Variants in PITPNC1 observed in about 807,000 individuals in gnomAD.
PITPNC1 encodes the protein cytoplasmic phosphatidylinositol transfer protein 1.
In PITPNC1, 18 loss-of-function variants were observed where a neutral mutation model predicts 44.7. The observed-to-expected ratio is 0.40, with a 90% CI of 0.28 to 0.60. The LOEUF is 0.60. Ranked by LOEUF, PITPNC1 falls within the 20% of genes least tolerant of loss-of-function variation. The pLI, the probability that PITPNC1 is intolerant of heterozygous loss-of-function variation, is 0.39. For synonymous variants in PITPNC1, 141 were observed against 149.6 expected (o/e 0.94, Z 0.42); for missense variants, 290 against 418.4 (o/e 0.69, Z 2.68).
chr17:67,396,011 T>C (rs1480294985), intron 1 of PITPNC1, among the ~76,000 whole-genome samples: 1 of 152,256 alleles, frequency 6.6e-6, no homozygotes, highest in East Asian at 1.9e-4. Context: ...TCTTTTGGAT[T>C]GCGTTTGACG....
Position 67,476,700 on chromosome 17 carries a change from G to A in PITPNC1, c.49-56102G>A, listed in dbSNP as rs371935886. 4.6e-5 allele frequency among the ~76,000 whole-genome samples: 7 copies of A among 152,096 alleles called. No individual in the cohort carries two copies. The East Asian group carries it at 5.8e-4, about 13-fold the overall frequency. ...GGGTCTCACTATGTTGCCCAGGCTGGTCTTGAATTCCTGGGCTCAAGCAAT... is the reference window on the plus strand; with the variant it reads ...GGGTCTCACTATGTTGCCCAGGCTGATCTTGAATTCCTGGGCTCAAGCAAT... On this transcript the variant is annotated intron_variant, in intron 1 of 8. Coordinates refer to ENST00000581322, the MANE Select transcript of PITPNC1 (RefSeq NM_012417.4).
intron 1 of PITPNC1, among the ~76,000 whole-genome samples, chr17:67,412,334 TACTG>T (rs777023561): frequency 8.2e-4 from 124 of 152,106 alleles, no homozygotes; most frequent in Non-Finnish European, 1.6e-3. Context: ...TCCAAGTAGA[TACTG>T]ACAAAACTAG....
At chr17:67,412,044 T>C (rs2038507185) in intron 1 of PITPNC1, among the ~76,000 whole-genome samples, 1 of 152,196 alleles carries the variant, frequency 6.6e-6, no homozygotes, top group Non-Finnish European at 1.5e-5. Context: ...CCTCTTACTA[T>C]CTTTCTTTTA....
intron 1 of PITPNC1, among the ~76,000 whole-genome samples, chr17:67,529,352 A>C (rs767555435): frequency 6.6e-6 from 1 of 152,140 alleles, no homozygotes; most frequent in African/African-American, 2.4e-5. Flanking sequence ...AAGATGGTCC[A>C]GTGGTGGAAA....
intron 1 of PITPNC1, among the ~76,000 whole-genome samples, chr17:67,410,312 CT>C (rs1313053636): frequency 6.6e-6 from 1 of 152,140 alleles, no homozygotes; most frequent in Non-Finnish European, 1.5e-5. Flanking sequence ...ACAGTGAAGA[CT>C]TAAGTATCTC....
At chr17:67,408,001 G>C (rs1023491418) in intron 1 of PITPNC1, among the ~76,000 whole-genome samples, 3 of 151,934 alleles carry the variant, frequency 2.0e-5, no homozygotes, top group African/African-American at 7.2e-5. Flanking sequence ...TGTTGCCCAG[G>C]CTGGAGTGCA....
chr17:67,485,817 G>T (rs1312560928), intron 1 of PITPNC1, among the ~76,000 whole-genome samples: 1 of 152,134 alleles, frequency 6.6e-6, no homozygotes, highest in Non-Finnish European at 1.5e-5. Context: ...AAGCTATCAC[G>T]CTGTATGAGC....
chr17:67,469,594 G>A (rs949824284), intron 1 of PITPNC1, among the ~76,000 whole-genome samples: 8 of 152,148 alleles, frequency 5.3e-5, no homozygotes, highest in African/African-American at 1.9e-4. Flanking sequence ...GACAGCAGCC[G>A]TCAGACCCGT....
rs2039554875 is a variant in PITPNC1, at chr17:67,472,492, A to C, written c.49-60310A>C. Among the ~76,000 whole-genome samples, 3 of 151,480 alleles carry C rather than the reference A, an allele frequency of 2.0e-5. No individual in the cohort carries two copies. The South Asian group carries it at 6.3e-4, about 32-fold the overall frequency. On this transcript the variant is annotated intron_variant, in intron 1 of 8. Coordinates refer to ENST00000581322, the MANE Select transcript of PITPNC1 (RefSeq NM_012417.4). ...GAAACCCCATCTCTACTAAAAATAGAAAAAATTAGCCGGGCGTGGTGGTGG... is the reference window on the plus strand; with the variant it reads ...GAAACCCCATCTCTACTAAAAATAGCAAAAATTAGCCGGGCGTGGTGGTGG...
At chr17:67,468,361 C>T (rs767694658) in intron 1 of PITPNC1, among the ~76,000 whole-genome samples, 1 of 150,046 alleles carries the variant, frequency 6.7e-6, no homozygotes, top group African/African-American at 2.4e-5. Flanking sequence ...TTGGGGAAGC[C>T]GTGGTGAAGC....
At chr17:67,405,245 T>TA (rs892885166) in intron 1 of PITPNC1, among the ~76,000 whole-genome samples, 98 of 146,032 alleles carry the variant, frequency 6.7e-4, no homozygotes, top group Admixed American at 1.9e-3. Flanking sequence ...AGACTCCGTT[T>TA]AAAAAAAAAA....
rs555529926 is a variant in PITPNC1 at position 67,644,806 on chromosome 17, T to C, written c.462+12568T>C. On this transcript the variant is annotated intron_variant, in intron 6 of 8. Coordinates refer to ENST00000581322, the MANE Select transcript of PITPNC1 (RefSeq NM_012417.4). ...GGGCCAGCCACATCAGCCCCTGCTGTTTTTAGTCTTATTAAAGTAAAACAC... is the reference window on the plus strand; with the variant it reads ...GGGCCAGCCACATCAGCCCCTGCTGCTTTTAGTCTTATTAAAGTAAAACAC... 1.4e-4 allele frequency among the ~76,000 whole-genome samples: 22 copies of C among 152,178 alleles called. No homozygotes were observed. In the East Asian group the frequency reaches 4.3e-3, roughly 29 times the overall value.
intron 2 of PITPNC1, among the ~76,000 whole-genome samples, chr17:67,538,975 G>A (rs1335420812): frequency 1.4e-5 from 2 of 145,706 alleles, no homozygotes; most frequent in Non-Finnish European, 1.5e-5. Flanking sequence ...TTTTTAATTT[G>A]AAAAAAAAGA....
At chr17:67,645,296 G>A (rs1211968584) in intron 6 of PITPNC1, among the ~76,000 whole-genome samples, 1 of 149,872 alleles carries the variant, frequency 6.7e-6, no homozygotes, top group Non-Finnish European at 1.5e-5. Context: ...AGCCAAGATC[G>A]CGCCATTGCA....
chr17:67,519,175 T>G (rs1191186247), intron 1 of PITPNC1, among the ~76,000 whole-genome samples: 4 of 140,722 alleles, frequency 2.8e-5, no homozygotes, highest in African/African-American at 5.4e-5. Context: ...CATTCTGTTT[T>G]TTTTTTTTTT....
At chr17:67,384,998 GTTTTA>G (rs1443908382) in intron 1 of PITPNC1, among the ~76,000 whole-genome samples, 10 of 152,206 alleles carry the variant, frequency 6.6e-5, no homozygotes, top group Non-Finnish European at 1.2e-4. Context: ...TTGAGAGGTT[GTTTTA>G]TTTTATTTTA....
At chr17:67,483,906 A>C (rs2039737708) in intron 1 of PITPNC1, among the ~76,000 whole-genome samples, 1 of 148,252 alleles carries the variant, frequency 6.7e-6, no homozygotes, top group Non-Finnish European at 1.5e-5. Flanking sequence ...CACCCTTGCT[A>C]ACGTTTTCTT....
At chr17:67,473,030 C>T (rs1283313464) in intron 1 of PITPNC1, among the ~76,000 whole-genome samples, 2 of 150,368 alleles carry the variant, frequency 1.3e-5, no homozygotes, top group East Asian at 4.0e-4. Context: ...TGCGCACCAC[C>T]ATGCCCAACT....
At chr17:67,583,716 A>G (rs1354188909) in intron 5 of PITPNC1, among the ~76,000 whole-genome samples, 3 of 136,112 alleles carry the variant, frequency 2.2e-5, no homozygotes, top group Non-Finnish European at 3.1e-5. Context: ...TTTTTTTGAG[A>G]TGGAGTCTCA....
Sources: gnomAD v4.1 joint callset for allele counts (sites outside exome capture counted in the v4.1 genomes callset) on GRCh38, gnomAD v4.1.1 for gene constraint, MANE v1.5 for transcripts, NCBI Gene and HGNC (gene_info 2026-07-23, HGNC 2026-07-21) for gene names.